Variants in STAG2 observed in about 807,000 individuals in gnomAD.
The protein encoded by STAG2 is STAG2 cohesin complex component, also known as cohesin subunit SA-2.
Under a neutral mutation model 108.1 loss-of-function variants are expected in STAG2, and 14 were observed. The ratio of observed to expected loss-of-function variants is 0.13; its 90% CI spans 0.09 to 0.20. STAG2 has a LOEUF of 0.20. Among genes scored for constraint, STAG2 ranks in the 10% least tolerant of loss-of-function variants. STAG2 has a pLI of 1.00. For synonymous variants in STAG2, 307 were observed against 302.7 expected (o/e 1.01, Z -0.15); for missense variants, 440 against 940.9 (o/e 0.47, Z 6.96).
intron 1 of STAG2, among the ~76,000 whole-genome samples, chrX:123,984,229 C>T (rs2055048652): frequency 9.1e-6 from 1 of 110,115 alleles, no homozygotes; most frequent in Non-Finnish European, 1.9e-5. Context: ...TCGCTGGCCT[C>T]AGCCTCCCAA....
At chrX:124,057,715 G>T (rs1018070649) in intron 14 of STAG2, 151 bp from the exon 15 acceptor site, 12 of 307,712 alleles carry the variant, frequency 3.9e-5, no homozygotes, top group African/African-American at 3.0e-4. Context: ...AATTATTTGC[G>T]TGGTGTGCCA....
At chrX:123,977,175 C>A (rs383708) in intron 1 of STAG2, among the ~76,000 whole-genome samples, 1 of 111,806 alleles carries the variant, frequency 8.9e-6, no homozygotes, top group African/African-American at 3.3e-5. Context: ...AAGTTTCTTA[C>A]ACTGTACTGA....
In STAG2 at chrX:124,101,908, C is replaced by A. The variant is rs1023628492; in HGVS notation, c.*1311C>A. 6.2e-6 allele frequency: 1 copy of A among 160,985 alleles called. No individual in the cohort carries two copies. Among genetic ancestry groups the A allele is most frequent in the African/African-American group, 3.0e-5 (1 of 33,290 alleles). The allele number at this position is 160,985 out of a possible 1,213,427, so 13.3% of individuals were successfully genotyped here. A position where few individuals can be genotyped will look rare whatever the true frequency, so the allele number is the denominator to read the frequency against. Reference sequence around the variant, plus strand: ...TTGCGAGGCTTAGGCAGCTAGACATCGTTTAAAACAAAATATTAACTTATA... The same window carrying A: ...TTGCGAGGCTTAGGCAGCTAGACATAGTTTAAAACAAAATATTAACTTATA... On this transcript the variant is annotated 3_prime_UTR_variant, in exon 35 of 35. Transcript: ENST00000371145.
At chrX:124,022,242 G>A (rs757797987) in intron 2 of STAG2, among the ~76,000 whole-genome samples, 2 of 110,163 alleles carry the variant, frequency 1.8e-5, no homozygotes, top group East Asian at 5.7e-4. Context: ...ATGGTGGCCC[G>A]CGCCTGTAAT....
At chrX:124,058,350 A>T (rs1190261310) in intron 15 of STAG2, among the ~76,000 whole-genome samples, 5 of 110,595 alleles carry the variant, frequency 4.5e-5, no homozygotes, top group African/African-American at 9.8e-5. Flanking sequence ...GGGTTTCACC[A>T]TGTTGACCAG....
intron 1 of STAG2, among the ~76,000 whole-genome samples, chrX:124,015,462 G>A (rs1050678737): frequency 2.8e-5 from 3 of 105,730 alleles, no homozygotes; most frequent in Admixed American, 1.0e-4. Flanking sequence ...TTGGCTCACT[G>A]CAACCTCTGT....
intron 4 of STAG2, among the ~76,000 whole-genome samples, chrX:124,026,199 A>G (rs2057098711): frequency 9.2e-6 from 1 of 108,808 alleles, no homozygotes; most frequent in Non-Finnish European, 1.9e-5. Context: ...TTCGTAAAGC[A>G]CAGTATGTGA....
chrX:124,078,969 AAAAC>A (rs1188302393), intron 27 of STAG2, among the ~76,000 whole-genome samples: 2 of 107,874 alleles, frequency 1.9e-5, no homozygotes, highest in Non-Finnish European at 3.8e-5. Context: ...ACTCTGTCTC[AAAAC>A]AAACAAACAA....
intron 7 of STAG2, 98 bp from the exon 8 acceptor site, chrX:124,045,066 G>A (rs1433095509): frequency 1.5e-5 from 11 of 725,315 alleles, no homozygotes; most frequent in Non-Finnish European, 2.3e-5. Flanking sequence ...GTGAGATAAA[G>A]ATACCTTTTC....
chrX:124,072,294 T>TA (rs1363246042), intron 25 of STAG2, among the ~76,000 whole-genome samples: 3 of 111,747 alleles, frequency 2.7e-5, no homozygotes, highest in Non-Finnish European at 1.9e-5. Flanking sequence ...TAAAGGAAAA[T>TA]ACAACATCAA....
rs765788055 is a variant in STAG2 at position 124,032,367 on chromosome X, C to T, written c.288+1242C>T. Among the ~76,000 whole-genome samples, 5 of 111,703 alleles carry T rather than the reference C, an allele frequency of 4.5e-5. No individual in the cohort carries two copies. In the East Asian group the frequency reaches 1.4e-3, roughly 31 times the overall value. On this transcript the variant is annotated intron_variant, in intron 5 of 34. Coordinates refer to ENST00000371145, the MANE Select transcript of STAG2 (RefSeq NM_001042750.2). ...TTTTATGACAATAGAAGCATTTAGG[C>T]TTTCTAATGTTGGCTAAACCATTAG...
At chrX:124,041,510 T>C (rs188487686) in intron 6 of STAG2, among the ~76,000 whole-genome samples, 2 of 111,608 alleles carry the variant, frequency 1.8e-5, no homozygotes, top group Admixed American at 9.5e-5. Context: ...CTAGTTCTTA[T>C]TTATAAATCT....
intron 1 of STAG2, among the ~76,000 whole-genome samples, chrX:123,994,138 A>T (rs768390852): frequency 1.3e-4 from 15 of 111,969 alleles, no homozygotes; most frequent in African/African-American, 3.9e-4. Flanking sequence ...AGGTCAAAAC[A>T]TGGTAGATAA....
At chrX:124,064,203 C>T in intron 20 of STAG2, 152 bp downstream of exon 20, 1 of 430,052 alleles carries the variant, frequency 2.3e-6, no homozygotes, top group Non-Finnish European at 4.0e-6. Context: ...CATCAGGCTA[C>T]TCCTCCACCA....
intron 1 of STAG2, among the ~76,000 whole-genome samples, chrX:124,015,494 C>T (rs933944674): frequency 1.9e-5 from 2 of 107,594 alleles, no homozygotes; most frequent in East Asian, 5.9e-4. Flanking sequence ...AAGCGATTCT[C>T]CTGCCTCAGC....
At chrX:124,046,144 A>C (rs1171862845) in intron 8 of STAG2, among the ~76,000 whole-genome samples, 1 of 111,886 alleles carries the variant, frequency 8.9e-6, no homozygotes. Flanking sequence ...TTATGATAGT[A>C]TTCTGAATCT....
intron 4 of STAG2, chrX:124,026,507 T>G (rs1329788104): frequency 5.1e-6 from 1 of 195,615 alleles, no homozygotes; most frequent in African/African-American, 3.0e-5. Context: ...GAAAGTATAT[T>G]TGACTCTGCA....
chrX:124,079,507 T>C (rs2058897200), intron 27 of STAG2, among the ~76,000 whole-genome samples: 1 of 111,341 alleles, frequency 9.0e-6, no homozygotes. Flanking sequence ...GTAGGCTGGG[T>C]GTAGTGGCTG....
At chrX:124,029,253 G>T (rs987442783) in intron 4 of STAG2, among the ~76,000 whole-genome samples, 2 of 107,879 alleles carry the variant, frequency 1.9e-5, no homozygotes, top group African/African-American at 3.4e-5. Flanking sequence ...TCCTGACCTC[G>T]TGATCCGCCC....
Sources: gnomAD v4.1 joint callset for allele counts (sites outside exome capture counted in the v4.1 genomes callset) on GRCh38, gnomAD v4.1.1 for gene constraint, MANE v1.5 for transcripts, NCBI Gene and HGNC (gene_info 2026-07-23, HGNC 2026-07-21) for gene names.